The following ZXDC variants were observed in gnomAD, a reference collection of about 807,000 sequenced individuals.
ZXDC encodes the protein ZXD family zinc finger C.
Under a neutral mutation model 63.6 loss-of-function variants are expected in ZXDC, and 58 were observed. The observed-to-expected ratio is 0.91, with a 90% CI of 0.74 to 1.13. ZXDC has a LOEUF of 1.13. ZXDC is among the 50% of genes most tolerant of loss of function. The pLI is 0.00. For synonymous variants in ZXDC, 561 were observed against 496.1 expected, an observed-to-expected ratio of 1.13 and a Z score of -1.74; for missense variants, 1,133 against 1,148.9, an observed-to-expected ratio of 0.99 and a Z score of 0.20.
intron 6 of ZXDC, among the ~76,000 whole-genome samples, chr3:126,460,313 A>G (rs1433070925): frequency 6.6e-6 from 1 of 152,248 alleles, no homozygotes; most frequent in African/African-American, 2.4e-5. Context: ...TTTCCTAAGA[A>G]AGACAGTTTA....
intron 7 of ZXDC, among the ~76,000 whole-genome samples, chr3:126,444,348 C>G (rs141901836): frequency 5.9e-5 from 9 of 152,144 alleles, no homozygotes; most frequent in Non-Finnish European, 1.2e-4. Context: ...CTGGCTAACA[C>G]GGTGAAACCT....
chr3:126,460,414 A>G, intron 6 of ZXDC: 1 of 950,566 alleles, frequency 1.1e-6, no homozygotes, highest in Non-Finnish European at 1.3e-6. Context: ...TACTCAGAGA[A>G]GCGAGGTAGC....
rs1935199990 is a variant in ZXDC at position 126,475,741 on chromosome 3, A to C, written c.125T>G (p.Leu42Arg). Residue 42 changes from leucine (L) to arginine (R), a missense_variant, in exon 1 of 10, where the codon CTG becomes CGG. By Grantham distance (102) the Leu-to-Arg change is moderately radical. Transcript: ENST00000389709. The stretch of plus-strand genomic sequence containing the variant: ...CCCGCCATCTTCAGGGCCCCGCACC[A>C]GTAGCAGGCGGCGGCGCGCGGGGCT... ...GASPARRRLL[L>R]VRGPEDGGPG... 6.8e-6 allele frequency: 8 copies of C among 1,177,314 alleles called. No homozygotes were observed. Among genetic ancestry groups the C allele is most frequent in the Non-Finnish European group, 8.4e-6 (8 of 954,946 alleles). The allele number at this position is 1,177,314 out of a possible 1,614,324, so 72.9% of individuals were successfully genotyped here. A position where few individuals can be genotyped will look rare whatever the true frequency, so the allele number is the denominator to read the frequency against.
intron 7 of ZXDC, chr3:126,452,207 G>C (rs975855259): frequency 5.1e-6 from 5 of 985,270 alleles, no homozygotes; most frequent in Non-Finnish European, 6.0e-6. Flanking sequence ...ACAGCCTTGC[G>C]TGAAGTCTTA....
At chr3:126,451,196 T>C (rs1047896715) in intron 7 of ZXDC, 4 of 985,208 alleles carry the variant, frequency 4.1e-6, no homozygotes, top group Non-Finnish European at 4.8e-6. Flanking sequence ...ATGATCATAA[T>C]AAAACATTCA....
chr3:126,439,918 C>G (rs1933614215), intron 8 of ZXDC, 191 bp from the exon 9 acceptor site: 1 of 1,411,276 alleles, frequency 7.1e-7, no homozygotes, highest in African/African-American at 1.5e-5. Context: ...CCACCTGGTT[C>G]TCATTCTGTC....
At chr3:126,465,516 T>C (rs776956342) in intron 5 of ZXDC, among the ~76,000 whole-genome samples, 1 of 152,180 alleles carries the variant, frequency 6.6e-6, no homozygotes, top group Non-Finnish European at 1.5e-5. Flanking sequence ...TACTTGGAGA[T>C]AGAATAGCTG....
chr3:126,468,225 C>G (rs1377206760), intron 4 of ZXDC, among the ~76,000 whole-genome samples: 5 of 152,082 alleles, frequency 3.3e-5, no homozygotes, highest in Admixed American at 6.5e-5. Context: ...CAGGCCCCAG[C>G]ACACATAGCC....
intron 2 of ZXDC, 42 bp from the exon 3 acceptor site, chr3:126,472,093 C>T (rs757983118): frequency 4.3e-6 from 7 of 1,609,794 alleles, no homozygotes; most frequent in East Asian, 2.2e-5. Context: ...TTTACAACTC[C>T]AACAGCTACG....
Position 126,438,035 on chromosome 3 carries a change from C to A in ZXDC, c.*340G>T, listed in dbSNP as rs939002271. ...AGACAGCCTGTTCTCTACCCTATTT[C>A]CTGCAGAAGTCTTTTTCTTTGTAAT... On this transcript the variant is annotated 3_prime_UTR_variant, in exon 10 of 10. Transcript: ENST00000389709. 4 of 306,076 alleles carry A rather than the reference C, an allele frequency of 1.3e-5. No individual in the cohort carries two copies. In the Admixed American group the frequency reaches 1.4e-4, roughly 11 times the overall value. 19.0% of individuals were successfully genotyped at this position (306,076 alleles called of 1,614,324 possible).
intron 7 of ZXDC, among the ~76,000 whole-genome samples, chr3:126,444,402 G>C (rs1933801821): frequency 6.6e-6 from 1 of 151,940 alleles, no homozygotes; most frequent in Non-Finnish European, 1.5e-5. Context: ...GGTGGTGGCG[G>C]GTGCCTGTAG....
At chr3:126,447,008 C>T (rs1933907557) in intron 7 of ZXDC, among the ~76,000 whole-genome samples, 1 of 152,150 alleles carries the variant, frequency 6.6e-6, no homozygotes, top group African/African-American at 2.4e-5. Context: ...GAGTGCTCAC[C>T]CTTTGCTTAG....
intron 5 of ZXDC, among the ~76,000 whole-genome samples, chr3:126,463,290 C>T (rs955304908): frequency 2.6e-5 from 4 of 152,088 alleles, no homozygotes; most frequent in African/African-American, 9.7e-5. Flanking sequence ...AGGATGGTCT[C>T]GATCTCCTGA....
chr3:126,447,571 T>C (rs983062291), intron 7 of ZXDC, among the ~76,000 whole-genome samples: 5 of 152,208 alleles, frequency 3.3e-5, no homozygotes, highest in African/African-American at 9.6e-5. Context: ...AAGTGTCAAA[T>C]AGATTGCGCC....
intron 7 of ZXDC, 84 bp from the exon 8 acceptor site, chr3:126,442,030 G>A: frequency 7.2e-7 from 1 of 1,391,840 alleles, no homozygotes; most frequent in Non-Finnish European, 9.4e-7. Context: ...CTATGGGGAA[G>A]ACAGCCTTCC....
At chr3:126,450,301 C>A (rs953696423) in intron 7 of ZXDC, 2 of 456,146 alleles carry the variant, frequency 4.4e-6, no homozygotes, top group South Asian at 1.6e-5. Context: ...GGGCAAAATT[C>A]TCCTGCCCCT....
chr3:126,452,448 C>T, intron 7 of ZXDC: 1 of 985,422 alleles, frequency 1.0e-6, no homozygotes, highest in Non-Finnish European at 1.2e-6. Context: ...ACTGCTGTTG[C>T]CACTCTCGTT....
chr3:126,459,596 C>G, intron 7 of ZXDC, 57 bp downstream of exon 7: 8 of 1,611,964 alleles, frequency 5.0e-6, no homozygotes, highest in Non-Finnish European at 6.8e-6. Flanking sequence ...CTGCCAGTAA[C>G]AGTGACAGAG....
In ZXDC at chr3:126,470,910, C is replaced by A; in HGVS notation, c.1255G>T (p.Glu419Ter). 1 of 1,614,206 alleles carries A rather than the reference C, an allele frequency of 6.2e-7. No homozygotes were observed. Among genetic ancestry groups the A allele is most frequent in the Non-Finnish European group, 8.5e-7 (1 of 1,180,038 alleles). The change falls in exon 4 of 10, where the codon GAG becomes TAG. Residue 419 changes from glutamate (E) to a stop codon, truncating the protein, a stop_gained. Transcript: ENST00000389709. LOFTEE classifies it high-confidence loss of function. ...SITHLGTKPF[E>*]CPVEGCCARF... ...TAAAATCTACCTTCCACAGGACACT[C>A]GAACGGCTTTGTGCCTAGGTGGGTT...
Sources: gnomAD v4.1 joint callset for allele counts (sites outside exome capture counted in the v4.1 genomes callset) on GRCh38, gnomAD v4.1.1 for gene constraint, MANE v1.5 for transcripts, NCBI Gene and HGNC (gene_info 2026-07-23, HGNC 2026-07-21) for gene names.